NSUN2: variants seen among roughly 807,000 people sequenced by gnomAD.
NSUN2 encodes RNA cytosine C(5)-methyltransferase NSUN2.
In NSUN2, 63 loss-of-function variants were observed where a neutral mutation model predicts 92.7. That is an observed-to-expected ratio of 0.68 (90% CI 0.56 to 0.84). The LOEUF (loss-of-function observed/expected upper bound fraction) is 0.84. Among genes scored for constraint, NSUN2 ranks in the 40% least tolerant of loss-of-function variants. The pLI, the probability that NSUN2 is intolerant of heterozygous loss-of-function variation, is 0.00. For synonymous variants in NSUN2, 356 were observed against 348.3 expected, an observed-to-expected ratio of 1.02 and a Z score of -0.25; for missense variants, 989 against 964.9, an observed-to-expected ratio of 1.02 and a Z score of -0.33.
chr5:6,603,812 A>T, intron 17 of NSUN2: 1 of 234,806 alleles, frequency 4.3e-6, no homozygotes, highest in Non-Finnish European at 8.2e-6. Context: ...GGCTGCTCAC[A>T]GGCTGACCCC....
At chr5:6,603,039 A>AGTG (rs1268103542) in intron 17 of NSUN2, among the ~76,000 whole-genome samples, 3 of 152,254 alleles carry the variant, frequency 2.0e-5, no homozygotes, top group African/African-American at 7.2e-5. Context: ...CAAAGGAACC[A>AGTG]CACGAGTAAG....
chr5:6,632,877 C>A lies in NSUN2; in HGVS notation c.96+7G>T. The A allele has an allele frequency of 6.5e-7, 1 of 1,533,600 alleles. No individual in the cohort carries two copies. Among genetic ancestry groups the A allele is most frequent in the South Asian group, 1.2e-5 (1 of 84,022 alleles). The allele number at this position is 1,533,600 out of a possible 1,614,324, so 95.0% of individuals were successfully genotyped here. A position where few individuals can be genotyped will look rare whatever the true frequency, so the allele number is the denominator to read the frequency against. ...CCCTGGCCCGCCCGCCGGGTCCCGG[C>A]TCCTACCGCCTCGCCGCGCTTTCCA... is the stretch of plus-strand genomic sequence containing the variant. On this transcript the variant is annotated splice_region_variant and intron_variant, in intron 1 of 18. Coordinates refer to ENST00000264670, the MANE Select transcript of NSUN2 (RefSeq NM_017755.6).
At position 6,599,940 on chromosome 5, in the gene NSUN2, G is replaced by T. The variant is rs767318342; in HGVS notation, c.2290C>A (p.His764Asn). ...CTTGGGCCTGCTCACCGGGGTGGAT[G>T]GACCCCCGCCGGGTCACAGCCTGCT... ...VTAGCDPAGV[H>N]PPR is the part of the protein sequence containing the mutation. The change falls in exon 19 of 19, where the codon CAT (histidine) becomes AAT (asparagine). Residue 764 changes from histidine (H) to asparagine (N), a missense_variant. This residue lies in a region of NSUN2 where 626 missense variants were observed against 602.3 expected (regional missense o/e 1.04). Coordinates refer to ENST00000264670, the MANE Select transcript of NSUN2 (RefSeq NM_017755.6). 1.1e-5 allele frequency: 18 copies of T among 1,612,876 alleles called. No homozygotes were observed. The highest frequency in any genetic ancestry group is 1.5e-5 in the Non-Finnish European group (18 of 1,179,862).
At position 6,631,931 on chromosome 5, in the gene NSUN2, C is replaced by T. The variant is rs774160408; in HGVS notation, c.301G>A (p.Glu101Lys). ...CCGTCCACCTCCAGGTCCTCCAATT[C>T]CTTAAAATATTTGTTCTTTAAGCAA... is the stretch of plus-strand genomic sequence containing the variant. Reference protein sequence around the residue: ...LHCLKNKYFKELEDLEVDGQK... With the variant: ...LHCLKNKYFKKLEDLEVDGQK... Residue 101 changes from glutamate to lysine, a missense_variant, in exon 3 of 19, where the codon GAA becomes AAA. Coordinates refer to ENST00000264670, the MANE Select transcript of NSUN2 (RefSeq NM_017755.6). 2.5e-6 allele frequency: 4 copies of T among 1,613,972 alleles called. No homozygotes were observed. The highest frequency in any genetic ancestry group is 3.4e-6 in the Non-Finnish European group (4 of 1,179,994).
chr5:6,621,287 G>A (rs1265716679), intron 6 of NSUN2: 1 of 152,108 alleles, frequency 6.6e-6, no homozygotes, highest in Non-Finnish European at 1.5e-5. Context: ...TGAACCCAGG[G>A]AGTCTGATGG....
At chr5:6,622,228 C>A in intron 5 of NSUN2, 128 bp from the exon 6 acceptor site, 1 of 689,250 alleles carries the variant, frequency 1.5e-6, no homozygotes, top group South Asian at 1.9e-5. Flanking sequence ...GAGTCTATAG[C>A]ATGACATAAT....
intron 3 of NSUN2, among the ~76,000 whole-genome samples, chr5:6,628,774 G>T (rs1445040650): frequency 6.6e-6 from 1 of 152,218 alleles, no homozygotes; most frequent in Non-Finnish European, 1.5e-5. Flanking sequence ...CAGGAATGGT[G>T]GCTCATGTCT....
intron 15 of NSUN2, 113 bp downstream of exon 15, chr5:6,605,160 G>A (rs781216352): frequency 8.7e-5 from 123 of 1,419,998 alleles, no homozygotes; most frequent in Admixed American, 1.7e-4. Context: ...CACAGCCAGC[G>A]CTACAGGTGG....
chr5:6,611,899 C>T (rs1010433364), intron 9 of NSUN2, 101 bp from the exon 10 acceptor site: 2 of 1,046,918 alleles, frequency 1.9e-6, no homozygotes, highest in African/African-American at 1.6e-5. Context: ...TATATGATTC[C>T]ATGTACAGAA....
At chr5:6,632,378 C>T (rs573579014) in intron 2 of NSUN2, among the ~76,000 whole-genome samples, 1 of 152,200 alleles carries the variant, frequency 6.6e-6, no homozygotes, top group Non-Finnish European at 1.5e-5. Flanking sequence ...GCCGAATCTT[C>T]CTCAGATCTC....
intron 5 of NSUN2, among the ~76,000 whole-genome samples, chr5:6,622,974 T>C (rs1170825540): frequency 7.0e-6 from 1 of 142,956 alleles, no homozygotes; most frequent in Non-Finnish European, 1.5e-5. Flanking sequence ...ACAATCCATA[T>C]GGTAAACAAA....
At chr5:6,612,561 T>C (rs1418093297) in intron 9 of NSUN2, among the ~76,000 whole-genome samples, 1 of 152,152 alleles carries the variant, frequency 6.6e-6, no homozygotes, top group Non-Finnish European at 1.5e-5. Context: ...GATACTGATG[T>C]GACAGCCTCT....
chr5:6,617,893 T>C (rs1737275921), intron 8 of NSUN2, 57 bp downstream of exon 8: 8 of 1,371,704 alleles, frequency 5.8e-6, no homozygotes, highest in Non-Finnish European at 8.2e-6. Flanking sequence ...TGCATAACAA[T>C]AAATCTCTGC....
intron 4 of NSUN2, among the ~76,000 whole-genome samples, chr5:6,624,144 C>T (rs1266557507): frequency 6.6e-6 from 1 of 152,210 alleles, no homozygotes; most frequent in Non-Finnish European, 1.5e-5. Context: ...GGGTTTCTGG[C>T]CAGCATGAGT....
intron 4 of NSUN2, among the ~76,000 whole-genome samples, chr5:6,624,861 C>A (rs66820651): frequency 0.2 from 29,858 of 151,602 alleles, 3,492 homozygotes; most frequent in East Asian, 0.49. Context: ...CTAAGAATTC[C>A]AAAAAAAATA....
In NSUN2 at chr5:6,620,027, C is replaced by T. The variant is rs981859453; in HGVS notation, c.815+79G>A. 9 of 1,227,426 alleles carry T rather than the reference C, an allele frequency of 7.3e-6. No homozygotes were observed. The East Asian group carries it at 2.0e-4, about 27-fold the overall frequency. The allele number at this position is 1,227,426 out of a possible 1,614,324, so 76.0% of individuals were successfully genotyped here. A position where few individuals can be genotyped will look rare whatever the true frequency, so the allele number is the denominator to read the frequency against. The stretch of plus-strand genomic sequence containing the variant: ...GACTTATGTACAATTGTGTCATATT[C>T]ATGCACAACTTCATTTTAGTCTCTA... On this transcript the variant is annotated intron_variant, in intron 7 of 18. Transcript: ENST00000264670.
At chr5:6,615,167 C>G (rs1318060745) in intron 9 of NSUN2, among the ~76,000 whole-genome samples, 8 of 151,890 alleles carry the variant, frequency 5.3e-5, no homozygotes, top group African/African-American at 1.7e-4. Context: ...GCCAAGAATG[C>G]AGTGAGTGCG....
At chr5:6,609,739 C>T in intron 12 of NSUN2, 87 bp downstream of exon 12, 6 of 1,019,724 alleles carry the variant, frequency 5.9e-6, no homozygotes, top group Non-Finnish European at 6.0e-6. Flanking sequence ...CTCCTCTTTC[C>T]TCTGTACTTC....
chr5:6,610,020 A>ATG (rs969161800), intron 11 of NSUN2, 98 bp from the exon 12 acceptor site: 2 of 842,446 alleles, frequency 2.4e-6, no homozygotes, highest in African/African-American at 3.6e-5. Flanking sequence ...GAGAAAAATC[A>ATG]TGTCTTCGAC....
Sources: allele counts gnomAD v4.1 joint callset (sites outside exome capture counted in the v4.1 genomes callset), GRCh38; gene constraint gnomAD v4.1.1; regional missense constraint gnomAD v4.1.1; transcripts MANE v1.5; gene names NCBI Gene and HGNC (gene_info 2026-07-23, HGNC 2026-07-21).